The following HCN1 variants were observed in gnomAD, a reference collection of about 807,000 sequenced individuals.
HCN1 encodes the protein hyperpolarization activated cyclic nucleotide gated potassium channel 1.
HCN1 carries 13 observed loss-of-function variants against 78.9 expected under a neutral mutation model. The ratio of observed to expected loss-of-function variants is 0.16; its 90% CI spans 0.11 to 0.26. The LOEUF (loss-of-function observed/expected upper bound fraction) is 0.26, where lower values mean the gene tolerates loss of function less well. Among genes scored for constraint, HCN1 ranks in the 10% least tolerant of loss-of-function variants. The pLI is 1.00. For missense variants in HCN1, 810 were observed against 1,154.3 expected (o/e 0.70, Z 4.32); for synonymous variants, 552 against 455.5 (o/e 1.21, Z -2.70).
intron 6 of HCN1, among the ~76,000 whole-genome samples, chr5:45,283,452 A>G (rs60533175): frequency 0.086 from 13,051 of 152,204 alleles, 777 homozygotes; most frequent in East Asian, 0.21. Flanking sequence ...CAAGAGAAAA[A>G]CAAACAACAC....
intron 6 of HCN1, among the ~76,000 whole-genome samples, chr5:45,284,248 T>G (rs899856709): frequency 1.3e-5 from 2 of 152,056 alleles, no homozygotes; most frequent in African/African-American, 4.8e-5. Context: ...TGAATTTACT[T>G]ATGTAACAAA....
At chr5:45,673,592 T>C (rs1746199983) in intron 1 of HCN1, among the ~76,000 whole-genome samples, 1 of 151,642 alleles carries the variant, frequency 6.6e-6, no homozygotes, top group Non-Finnish European at 1.5e-5. Context: ...CTTTAGATTA[T>C]CTTTTCAAAT....
intron 6 of HCN1, among the ~76,000 whole-genome samples, chr5:45,283,282 A>T (rs1421858048): frequency 6.6e-6 from 1 of 152,164 alleles, no homozygotes; most frequent in Admixed American, 6.6e-5. Context: ...CAAAAGCAAA[A>T]ATTGACAAAT....
intron 3 of HCN1, among the ~76,000 whole-genome samples, chr5:45,454,014 G>T (rs1053775586): frequency 1.3e-5 from 2 of 152,014 alleles, no homozygotes; most frequent in East Asian, 3.8e-4. Flanking sequence ...ATGTAAGCGG[G>T]AACAAAAACA....
Position 45,331,195 on chromosome 5 carries a change from A to G in HCN1, c.1377+21905T>C, listed in dbSNP as rs186445782. Among the ~76,000 whole-genome samples, 445 of 151,340 alleles carry G rather than the reference A, an allele frequency of 2.9e-3. 1 individual carries two copies. The highest frequency in any genetic ancestry group is 0.01 in the African/African-American group (424 of 41,474). On this transcript the variant is annotated intron_variant, in intron 5 of 7. Transcript: ENST00000303230. ...TTCAACTTAGGAGATGACAACATTT[A>G]AATATATTAATATCAGTATTAAGAG... is the stretch of plus-strand genomic sequence containing the variant.
chr5:45,308,493 G>T (rs1455052726), intron 5 of HCN1, among the ~76,000 whole-genome samples: 2 of 151,998 alleles, frequency 1.3e-5, no homozygotes, highest in Non-Finnish European at 2.9e-5. Flanking sequence ...CTTTTAAAAA[G>T]ATCTCCTAGT....
chr5:45,652,554 G>A (rs912060885), intron 1 of HCN1, among the ~76,000 whole-genome samples: 5 of 151,728 alleles, frequency 3.3e-5, no homozygotes, highest in East Asian at 1.9e-4. Flanking sequence ...TCCTCAAATC[G>A]ATCACTAGCT....
At chr5:45,306,359 A>C (rs1340161459) in intron 5 of HCN1, among the ~76,000 whole-genome samples, 2 of 152,098 alleles carry the variant, frequency 1.3e-5, no homozygotes, top group Non-Finnish European at 2.9e-5. Context: ...TAGTCATATG[A>C]ATAACTTGTT....
chr5:45,675,038 T>G (rs1746238833), intron 1 of HCN1, among the ~76,000 whole-genome samples: 2 of 151,712 alleles, frequency 1.3e-5, no homozygotes, highest in African/African-American at 4.8e-5. Context: ...ACTTAGAAAA[T>G]ATATATAAGT....
At chr5:45,370,682 C>A (rs1747335714) in intron 4 of HCN1, among the ~76,000 whole-genome samples, 1 of 151,858 alleles carries the variant, frequency 6.6e-6, no homozygotes, top group African/African-American at 2.4e-5. Flanking sequence ...TTATTCTTTT[C>A]CAAACTATAA....
In HCN1 at chr5:45,353,118, G is replaced by T; in HGVS notation, c.1359C>A (p.Leu453=). The T allele has an allele frequency of 6.2e-7, 1 of 1,610,840 alleles. No homozygotes were observed. Among genetic ancestry groups the T allele is most frequent in the African/African-American group, 1.3e-5 (1 of 74,924 alleles). ...ATCTTACCTCTCTCAGAGGATCATT[G>T]AGTTCATTGAGAATATTTTCCTCAT... The part of the protein sequence containing the change: ...IFDEENILNE[L]NDPLREEIVN... Residue 453 remains leucine (L), a synonymous_variant, in exon 5 of 8, where the codon CTC becomes CTA. Coordinates refer to ENST00000303230, the MANE Select transcript of HCN1 (RefSeq NM_021072.4).
chr5:45,277,134 A>G (rs1745078099), intron 6 of HCN1, among the ~76,000 whole-genome samples: 1 of 152,092 alleles, frequency 6.6e-6, no homozygotes, highest in Non-Finnish European at 1.5e-5. Flanking sequence ...CTTACATGGA[A>G]TAGAGTGGAG....
chr5:45,299,279 T>C (rs1409808820), intron 6 of HCN1, among the ~76,000 whole-genome samples: 20 of 151,996 alleles, frequency 1.3e-4, no homozygotes, highest in Admixed American at 1.2e-3. Context: ...ACCATAGCAA[T>C]GAAAGATGTT....
intron 1 of HCN1, among the ~76,000 whole-genome samples, chr5:45,677,178 T>C (rs1419179649): frequency 6.6e-6 from 1 of 151,796 alleles, no homozygotes; most frequent in Admixed American, 6.6e-5. Flanking sequence ...CATATTACCC[T>C]GTAGTCTTCC....
chr5:45,329,030 G>A (rs772041373), intron 5 of HCN1, among the ~76,000 whole-genome samples: 2 of 151,562 alleles, frequency 1.3e-5, no homozygotes, highest in Non-Finnish European at 3.0e-5. Flanking sequence ...ATAAAAGTGG[G>A]AGGCAGATAG....
chr5:45,486,113 T>C (rs1741757585), intron 2 of HCN1, among the ~76,000 whole-genome samples: 1 of 152,140 alleles, frequency 6.6e-6, no homozygotes, highest in African/African-American at 2.4e-5. Flanking sequence ...ACTTTGGAGA[T>C]CATGTTCTAG....
At position 45,341,948 on chromosome 5, in the gene HCN1, A is replaced by G. The variant is rs376726666; in HGVS notation, c.1377+11152T>C. On this transcript the variant is annotated intron_variant, in intron 5 of 7. Coordinates refer to ENST00000303230, the MANE Select transcript of HCN1 (RefSeq NM_021072.4). ...ATTAGGCATCTACCTTATCATCTCA[A>G]TTTGGCTCTGTTTGACTTATTTTTG... 3.9e-5 allele frequency among the ~76,000 whole-genome samples: 6 copies of G among 152,068 alleles called. No individual in the cohort carries two copies. In the East Asian group the frequency reaches 5.8e-4, roughly 15 times the overall value.
At chr5:45,347,533 G>C (rs867316460) in intron 5 of HCN1, among the ~76,000 whole-genome samples, 77 of 152,344 alleles carry the variant, frequency 5.1e-4, no homozygotes, top group Middle Eastern at 3.4e-3. Context: ...TTGATGAGTT[G>C]AGAGAAGAAG....
rs926212448 is a variant in HCN1, at chr5:45,465,703, C to T, written c.850-3696G>A. ...CTGGGAGGTGGAGGTTGCAGTGAGT[C>T]GAGATCATGCCACTGCACTTCAGCC... On this transcript the variant is annotated intron_variant, in intron 2 of 7. Coordinates refer to ENST00000303230, the MANE Select transcript of HCN1 (RefSeq NM_021072.4). Among the ~76,000 whole-genome samples the T allele has an allele frequency of 4.6e-5, 7 of 151,866 alleles. No individual in the cohort carries two copies. In the South Asian group the frequency reaches 8.3e-4, roughly 18 times the overall value.
Sources: allele counts gnomAD v4.1 joint callset (sites outside exome capture counted in the v4.1 genomes callset), GRCh38; gene constraint gnomAD v4.1.1; transcripts MANE v1.5; gene names NCBI Gene and HGNC (gene_info 2026-07-23, HGNC 2026-07-21).